The following ZNF208 variants were observed in gnomAD, a reference collection of about 807,000 sequenced individuals.
ZNF208 encodes zinc finger protein 95.
ZNF208 carries 10 observed loss-of-function variants against 12.1 expected under a neutral mutation model. The observed-to-expected ratio is 0.83, with a 90% CI of 0.51 to 1.40. The LOEUF is 1.40. Among genes scored for constraint, ZNF208 ranks in the 40% most tolerant of loss-of-function variants. The probability of loss-of-function intolerance (pLI) is 0.00; values close to 1 mark genes in which losing one functional copy is unlikely to be tolerated. For missense variants in ZNF208, 1,652 were observed against 1,485.0 expected (o/e 1.11, Z -1.85); for synonymous variants, 497 against 488.4 (o/e 1.02, Z -0.23).
rs1258002674 is a variant in ZNF208, at chr19:21,972,752, G to T, written c.2282C>A (p.Ser761Tyr). 2 of 1,584,066 alleles carry T rather than the reference G, an allele frequency of 1.3e-6. No homozygotes were observed. The highest frequency in any genetic ancestry group is 3.5e-5 in the Admixed American group (2 of 57,458). The change falls in exon 4 of 4, where the codon TCC (serine) becomes TAC (tyrosine). Residue 761 changes from serine to tyrosine, a missense_variant. Physicochemically the swap from Ser to Tyr is moderately radical, Grantham distance 144. Around this residue, in one of 3 missense-constraint regions of ZNF208, gnomAD observed 1,239 missense variants for 1,086.2 expected, o/e 1.14. Transcript: ENST00000397126. Reference sequence around the variant, plus strand: ...TTTCTTATGATAACTAAGGGTTGAGGACCACTTATAGGCTTTGCCACATTC... The same window carrying T: ...TTTCTTATGATAACTAAGGGTTGAGTACCACTTATAGGCTTTGCCACATTC... The part of the protein sequence containing the change: ...CEECGKAYKW[S>Y]STLSYHKKIH...
At chr19:21,964,694 T>C (rs374336663), downstream of ZNF208, among the ~76,000 whole-genome samples, 50 of 151,862 alleles carry the variant, frequency 3.3e-4, no homozygotes, top group Middle Eastern at 3.4e-3. Flanking sequence ...GATTAGCTTA[T>C]TATTACATAG....
Position 21,973,740 on chromosome 19 carries a change from T to G in ZNF208, c.1294A>C (p.Lys432Gln). Residue 432 changes from lysine to glutamine, a missense_variant, in exon 4 of 4, where the codon AAA (lysine) becomes CAA (glutamine). Lys to Gln is a moderately conservative substitution (Grantham distance 53). Coordinates refer to ENST00000397126, the MANE Select transcript of ZNF208 (RefSeq NM_007153.3). ...AGGTTTGAGGACCAGTTGAAAGCTT[T>G]GCCACATTCTTCACATTTGTAGGGT... is the stretch of plus-strand genomic sequence containing the variant. The part of the protein sequence containing the change: ...EKPYKCEECG[K>Q]AFNWSSNLME... The G allele has an allele frequency of 6.2e-7, 1 of 1,613,724 alleles. No homozygotes were observed. Among genetic ancestry groups the G allele is most frequent in the Non-Finnish European group, 8.5e-7 (1 of 1,179,786 alleles).
intron 3 of ZNF208, among the ~76,000 whole-genome samples, chr19:21,977,247 A>G (rs1338520832): frequency 6.6e-6 from 1 of 152,224 alleles, no homozygotes; most frequent in Non-Finnish European, 1.5e-5. Flanking sequence ...TTATTACACC[A>G]CACTTTCTGT....
At chr19:21,942,091 T>C (rs529901202) in intron 4 of ZNF208, among the ~76,000 whole-genome samples, 60 of 152,284 alleles carry the variant, frequency 3.9e-4, no homozygotes, top group African/African-American at 1.4e-3. Context: ...AGTTATAAAA[T>C]GACAAAATAG....
intron 3 of ZNF208, among the ~76,000 whole-genome samples, chr19:21,976,386 G>C (rs1251617210): frequency 1.3e-5 from 2 of 152,024 alleles, no homozygotes; most frequent in Non-Finnish European, 2.9e-5. Context: ...CTAAGATAGT[G>C]AAAGCATATC....
chr19:21,950,039 C>T lies in ZNF208; in HGVS notation c.306-16802G>A, dbSNP rs115749454. Among the ~76,000 whole-genome samples, 852 of 152,284 alleles carry T rather than the reference C, an allele frequency of 5.6e-3. 1 individual carries two copies. The highest frequency in any genetic ancestry group is 0.019 in the African/African-American group (796 of 41,542). On this transcript the variant is annotated intron_variant, in intron 4 of 4. Transcript: ENST00000599916. ...TAAAGAGCCTAAACAGGATTGTAAA[C>T]AGGTAGTTGTGTAAACTGGTAAAAG...
rs746715967 is a variant in ZNF208, at chr19:21,988,776, T to C, written c.130+7A>G. On this transcript the variant is annotated splice_region_variant and intron_variant, in intron 2 of 3. Coordinates refer to ENST00000397126, the MANE Select transcript of ZNF208 (RefSeq NM_007153.3). ...TACTAGGAATTGCGTATTAAAGTTA[T>C]TCTCACCCAGGAAGACCAGGTTTCT... is the stretch of plus-strand genomic sequence containing the variant. 7.5e-6 allele frequency: 12 copies of C among 1,600,746 alleles called. No homozygotes were observed. The highest frequency in any genetic ancestry group is 6.8e-6 in the Non-Finnish European group (8 of 1,175,176).
At chr19:22,006,670 C>A (rs1039853942) in intron 1 of ZNF208, among the ~76,000 whole-genome samples, 2 of 152,164 alleles carry the variant, frequency 1.3e-5, no homozygotes, top group African/African-American at 2.4e-5. Flanking sequence ...CCTTTAATAA[C>A]CTCCGTCTGC....
rs892576160 is a variant in ZNF208, at chr19:21,967,007, A to G, written c.*4184T>C. 2 of 152,112 alleles carry G rather than the reference A, an allele frequency of 1.3e-5. No homozygotes were observed. Among genetic ancestry groups the G allele is most frequent in the African/African-American group, 2.4e-5 (1 of 41,442 alleles). The allele number at this position is 152,112 out of a possible 1,614,324, so 9.4% of individuals were successfully genotyped here. Reference sequence around the variant, plus strand: ...CTGCAGTTTGCAAATATTTTATTTCATACTGTAGGTCATCTGTTTACTTTG... The same window carrying G: ...CTGCAGTTTGCAAATATTTTATTTCGTACTGTAGGTCATCTGTTTACTTTG... On this transcript the variant is annotated 3_prime_UTR_variant, in exon 4 of 4. Transcript: ENST00000397126.
chr19:21,971,976 T>C lies in ZNF208; in HGVS notation c.3058A>G (p.Lys1020Glu), dbSNP rs772398803. Residue 1020 changes from lysine (K) to glutamate (E), a missense_variant, in exon 4 of 4, where the codon AAG (lysine) becomes GAG (glutamate). This residue lies in a region of ZNF208 where 1,239 missense variants were observed against 1,086.2 expected (regional missense o/e 1.14). Coordinates refer to ENST00000397126, the MANE Select transcript of ZNF208 (RefSeq NM_007153.3). The part of the protein sequence containing the change: ...FNWSSNLMEH[K>E]KIHTGETPYK... Reference sequence around the variant, plus strand: ...GGTGTCTCTCCAGTGTGAATTTTCTTATGTTCCATAAGGTTTGATGACCAG... The same window carrying C: ...GGTGTCTCTCCAGTGTGAATTTTCTCATGTTCCATAAGGTTTGATGACCAG... 1 of 1,612,876 alleles carries C rather than the reference T, an allele frequency of 6.2e-7. No individual in the cohort carries two copies.
At chr19:21,958,474 A>G (rs961458284) in intron 4 of ZNF208, among the ~76,000 whole-genome samples, 1 of 152,196 alleles carries the variant, frequency 6.6e-6, no homozygotes, top group African/African-American at 2.4e-5. Flanking sequence ...AGTAAGATCA[A>G]GGGAACTAAC....
At chr19:22,005,814 G>A (rs1266740398) in intron 1 of ZNF208, among the ~76,000 whole-genome samples, 1 of 152,122 alleles carries the variant, frequency 6.6e-6, no homozygotes, top group Non-Finnish European at 1.5e-5. Context: ...CAAGAAAAGA[G>A]GTGGGAAAAG....
chr19:21,996,309 TG>T (rs1472209830), intron 1 of ZNF208, among the ~76,000 whole-genome samples: 2 of 152,212 alleles, frequency 1.3e-5, no homozygotes, highest in African/African-American at 4.8e-5. Flanking sequence ...CAAAATTGGT[TG>T]TGAGAAATTC....
intron 4 of ZNF208, among the ~76,000 whole-genome samples, chr19:21,943,352 C>A (rs758476226): frequency 3.9e-5 from 6 of 151,996 alleles, no homozygotes; most frequent in African/African-American, 1.5e-4. Flanking sequence ...ACAACAACAA[C>A]AAAAAACTAA....
At position 21,948,037 on chromosome 19, in the gene ZNF208, A is replaced by C. The variant is rs185927521; in HGVS notation, c.306-14800T>G. 5.9e-5 allele frequency among the ~76,000 whole-genome samples: 9 copies of C among 152,230 alleles called. No individual in the cohort carries two copies. In the East Asian group the frequency reaches 1.4e-3, roughly 23 times the overall value. On this transcript the variant is annotated intron_variant, in intron 4 of 4. Transcript: ENST00000599916. The stretch of plus-strand genomic sequence containing the variant: ...ATCTATGATGGTGGCTGGGAACCAG[A>C]GGGAAAAAAGGAAGGTCGAGAAGTG...
At chr19:21,941,238 A>T (rs979470582) in intron 4 of ZNF208, 2 of 398,600 alleles carry the variant, frequency 5.0e-6, no homozygotes, top group African/African-American at 4.1e-5. Flanking sequence ...CCAGAGAAGG[A>T]CAAGAAAAAT....
chr19:21,947,254 C>T lies in ZNF208; in HGVS notation c.306-14017G>A, dbSNP rs575380347. 2.2e-3 allele frequency among the ~76,000 whole-genome samples: 331 copies of T among 152,160 alleles called. 1 individual carries two copies. The highest frequency in any genetic ancestry group is 3.8e-3 in the Non-Finnish European group (258 of 67,998). On this transcript the variant is annotated intron_variant, in intron 4 of 4. Coordinates refer to the ZNF208 transcript ENST00000599916. ...GAGAATATTTCACCCTGAGTAAATA[C>T]CCTCCTTTGCATTTGATTTGTTTTT... is the stretch of plus-strand genomic sequence containing the variant.
At chr19:21,949,725 G>A (rs1439660080) in intron 4 of ZNF208, among the ~76,000 whole-genome samples, 1 of 152,126 alleles carries the variant, frequency 6.6e-6, no homozygotes, top group East Asian at 1.9e-4. Flanking sequence ...AAGGCTTAAG[G>A]TCCAGCTCAA....
In ZNF208 at chr19:21,972,194, C is replaced by T. The variant is rs1055214903; in HGVS notation, c.2840G>A (p.Cys947Tyr). Residue 947 changes from cysteine to tyrosine, a missense_variant, in exon 4 of 4, where the codon TGT becomes TAT. Around this residue, in one of 3 missense-constraint regions of ZNF208, gnomAD observed 1,239 missense variants for 1,086.2 expected, o/e 1.14. Transcript: ENST00000397126. ...KTHAGEKFYK[C>Y]EACGKAYKSS... Reference sequence around the variant, plus strand: ...CTTATAGGCTTTGCCACATGCTTCACATTTGTAGAATTTCTCTCCAGCATG... The same window carrying T: ...CTTATAGGCTTTGCCACATGCTTCATATTTGTAGAATTTCTCTCCAGCATG... 1.2e-6 allele frequency: 2 copies of T among 1,613,082 alleles called. No individual in the cohort carries two copies. The highest frequency in any genetic ancestry group is 1.7e-6 in the Non-Finnish European group (2 of 1,179,732).
Sources: gnomAD v4.1 joint callset for allele counts (sites outside exome capture counted in the v4.1 genomes callset) on GRCh38, gnomAD v4.1.1 for gene constraint, gnomAD v4.1.1 regional missense constraint, MANE v1.5 for transcripts, NCBI Gene and HGNC (gene_info 2026-07-23, HGNC 2026-07-21) for gene names.